Variants in B4GALT5 observed in about 807,000 individuals in gnomAD.
B4GALT5 encodes the protein UDP-Gal:beta-GlcNAc beta-1,4-galactosyltransferase 5.
B4GALT5 carries 11 observed loss-of-function variants against 45.0 expected under a neutral mutation model. The ratio of observed to expected loss-of-function variants is 0.24; its 90% confidence interval spans 0.15 to 0.40. The LOEUF (loss-of-function observed/expected upper bound fraction) is 0.40, where lower values mean the gene tolerates loss of function less well. Ranked by LOEUF, B4GALT5 falls within the 10% of genes least tolerant of loss-of-function variation. The pLI, the probability that B4GALT5 is intolerant of heterozygous loss-of-function variation, is 1.00. For synonymous variants in B4GALT5, 185 were observed against 182.9 expected (o/e 1.01, Z -0.09); for missense variants, 337 against 500.2 (o/e 0.67, Z 3.11).
At chr20:49,677,501 T>C (rs535401337) in intron 1 of B4GALT5, among the ~76,000 whole-genome samples, 1 of 152,318 alleles carries the variant, frequency 6.6e-6, no homozygotes, top group South Asian at 2.1e-4. Context: ...GGTGCAAACA[T>C]TTGTTGGTAA....
At chr20:49,683,306 C>A (rs2085771708) in intron 1 of B4GALT5, among the ~76,000 whole-genome samples, 1 of 150,942 alleles carries the variant, frequency 6.6e-6, no homozygotes, top group Non-Finnish European at 1.5e-5. Context: ...TTCCTTTTAT[C>A]TTTAAGCTGA....
intron 1 of B4GALT5, among the ~76,000 whole-genome samples, chr20:49,665,387 T>C (rs2085685428): frequency 9.0e-6 from 1 of 110,936 alleles, no homozygotes; most frequent in African/African-American, 3.6e-5. Context: ...CACTCCAGCC[T>C]GGGTAACACA....
intron 1 of B4GALT5, among the ~76,000 whole-genome samples, chr20:49,698,241 T>A (rs1225866063): frequency 6.6e-6 from 1 of 152,002 alleles, no homozygotes; most frequent in Admixed American, 6.6e-5. Context: ...GAGAATTGCT[T>A]GAACCTGGAA....
At chr20:49,642,033 A>C (rs974479510) in intron 5 of B4GALT5, among the ~76,000 whole-genome samples, 1 of 152,208 alleles carries the variant, frequency 6.6e-6, no homozygotes, top group African/African-American at 2.4e-5. Context: ...AGATTAAAAC[A>C]AAACCAAACC....
At chr20:49,661,061 T>C (rs1276164477) in intron 1 of B4GALT5, among the ~76,000 whole-genome samples, 1 of 152,190 alleles carries the variant, frequency 6.6e-6, no homozygotes, top group Non-Finnish European at 1.5e-5. Flanking sequence ...CAATCTAAAT[T>C]ATCTCATTCA....
At chr20:49,708,286 C>G (rs1224545666) in intron 1 of B4GALT5, among the ~76,000 whole-genome samples, 1 of 151,928 alleles carries the variant, frequency 6.6e-6, no homozygotes, top group East Asian at 1.9e-4. Context: ...ATCTTAGGAC[C>G]AATGTTTATG....
rs951155716 is a variant in B4GALT5, at chr20:49,635,642, T to G, written c.*670A>C. The G allele has an allele frequency of 6.6e-6, 1 of 152,590 alleles. No homozygotes were observed. The highest frequency in any genetic ancestry group is 2.4e-5 in the African/African-American group (1 of 41,440). The allele number at this position is 152,590 out of a possible 1,614,324, so 9.5% of individuals were successfully genotyped here. The stretch of plus-strand genomic sequence containing the variant: ...CTAATACATAAATCCTCAATTTGAA[T>G]TGGAGCCAGCTAGAAAATTAAATTT... On this transcript the variant is annotated 3_prime_UTR_variant, in exon 9 of 9. Coordinates refer to ENST00000371711, the MANE Select transcript of B4GALT5 (RefSeq NM_004776.4).
At chr20:49,692,557 ACTGGTGAAAATC>A (rs943892749) in intron 1 of B4GALT5, among the ~76,000 whole-genome samples, 23 of 152,196 alleles carry the variant, frequency 1.5e-4, no homozygotes, top group Non-Finnish European at 3.1e-4. Flanking sequence ...CCTGATGTAA[ACTGGTGAAAATC>A]CTTGGAATAA....
chr20:49,650,019 G>A (rs2085614825), intron 2 of B4GALT5, among the ~76,000 whole-genome samples: 1 of 152,084 alleles, frequency 6.6e-6, no homozygotes, highest in South Asian at 2.1e-4. Flanking sequence ...CCTAGAGCTA[G>A]AACCTAATCA....
intron 1 of B4GALT5, among the ~76,000 whole-genome samples, chr20:49,711,841 T>A (rs1459992761): frequency 6.6e-6 from 1 of 152,194 alleles, no homozygotes; most frequent in Non-Finnish European, 1.5e-5. Context: ...GCTTAAAAAA[T>A]AATCAGGAGA....
chr20:49,676,369 A>G (rs149568743), intron 1 of B4GALT5, among the ~76,000 whole-genome samples: 13 of 152,340 alleles, frequency 8.5e-5, no homozygotes, highest in African/African-American at 3.1e-4. Flanking sequence ...TGCGGTTAGA[A>G]CACAACACAC....
intron 1 of B4GALT5, among the ~76,000 whole-genome samples, chr20:49,675,550 A>G (rs1019718839): frequency 6.6e-6 from 1 of 152,086 alleles, no homozygotes; most frequent in Non-Finnish European, 1.5e-5. Flanking sequence ...GACCCTGTGG[A>G]GCTATCAGCA....
Position 49,642,474 on chromosome 20 carries a change from A to G in B4GALT5, c.600T>C (p.Val200=). The change falls in exon 5 of 9, where the codon GTT becomes GTC. Residue 200 remains valine, a synonymous_variant. Coordinates refer to ENST00000371711, the MANE Select transcript of B4GALT5 (RefSeq NM_004776.4). ...AAAAGAAAGGACTACTCACTTGTTC[A>G]ACCACATAAAATGCAAACTGCAAGC... ...RQRLQFAFYV[V]EQVGTQPFNR... 6.2e-7 allele frequency: 1 copy of G among 1,611,130 alleles called. No individual in the cohort carries two copies. Among genetic ancestry groups the G allele is most frequent in the South Asian group, 1.1e-5 (1 of 90,916 alleles).
At chr20:49,655,919 A>G (rs541809167) in intron 2 of B4GALT5, among the ~76,000 whole-genome samples, 1 of 116,564 alleles carries the variant, frequency 8.6e-6, no homozygotes, top group African/African-American at 3.3e-5. Context: ...CAGGAGCAAA[A>G]CTCCGTCTCA....
intron 1 of B4GALT5, among the ~76,000 whole-genome samples, chr20:49,693,695 A>AT (rs1353130994): frequency 1.3e-5 from 2 of 152,274 alleles, no homozygotes; most frequent in East Asian, 3.9e-4. Flanking sequence ...TTTTTAAGAC[A>AT]TTTTCCAAAA....
chr20:49,667,548 C>T lies in B4GALT5; in HGVS notation c.116-10846G>A, dbSNP rs191107341. Among the ~76,000 whole-genome samples, 44 of 148,390 alleles carry T rather than the reference C, an allele frequency of 3.0e-4. No homozygotes were observed. The East Asian group carries it at 5.0e-3, about 17-fold the overall frequency. On this transcript the variant is annotated intron_variant, in intron 1 of 8. Transcript: ENST00000371711. The stretch of plus-strand genomic sequence containing the variant: ...GATTACAGGTGTGAGCCACCGCGCC[C>T]GGCCTGTTGTTGTTTTTGACAGGAT...
chr20:49,669,712 A>G (rs2085707784), intron 1 of B4GALT5, among the ~76,000 whole-genome samples: 1 of 151,942 alleles, frequency 6.6e-6, no homozygotes, highest in Non-Finnish European at 1.5e-5. Context: ...AAAAAAAAAA[A>G]AGAATTATAG....
chr20:49,656,820 T>G, intron 1 of B4GALT5, 118 bp from the exon 2 acceptor site: 1 of 1,303,582 alleles, frequency 7.7e-7, no homozygotes, highest in Non-Finnish European at 1.1e-6. Flanking sequence ...TTTTAGTTCT[T>G]TTAAAACCCT....
chr20:49,680,925 A>T (rs1190553497), intron 1 of B4GALT5, among the ~76,000 whole-genome samples: 2 of 152,184 alleles, frequency 1.3e-5, no homozygotes, highest in Non-Finnish European at 2.9e-5. Flanking sequence ...ACCACAATTT[A>T]AAAAAACTGT....
Sources: gnomAD v4.1 joint callset for allele counts (sites outside exome capture counted in the v4.1 genomes callset) on GRCh38, gnomAD v4.1.1 for gene constraint, MANE v1.5 for transcripts, NCBI Gene and HGNC (gene_info 2026-07-23, HGNC 2026-07-21) for gene names.